MEIOB: variants seen among roughly 807,000 people sequenced by gnomAD.
MEIOB encodes meiosis specific with OB-fold, also known as meiosis-specific with OB domain-containing protein.
MEIOB carries 50 observed loss-of-function variants against 53.1 expected under a neutral mutation model. The observed-to-expected ratio is 0.94, with a 90% CI of 0.75 to 1.19. The LOEUF (loss-of-function observed/expected upper bound fraction) is 1.19. MEIOB is among the 50% of genes most tolerant of loss of function. MEIOB has a pLI of 0.00. For missense variants in MEIOB, 551 were observed against 550.8 expected (o/e 1.00, Z 0.00); for synonymous variants, 192 against 182.5 (o/e 1.05, Z -0.42).
intron 3 of MEIOB, among the ~76,000 whole-genome samples, chr16:1,863,114 T>TG (rs1277188544): frequency 6.6e-5 from 10 of 151,872 alleles, no homozygotes; most frequent in Non-Finnish European, 1.2e-4. Flanking sequence ...CTCAGCTACT[T>TG]GGGAGGCTGA....
intron 9 of MEIOB, among the ~76,000 whole-genome samples, chr16:1,845,212 T>C (rs1258646602): frequency 6.6e-6 from 1 of 152,164 alleles, no homozygotes; most frequent in African/African-American, 2.4e-5. Flanking sequence ...AATACCCTTT[T>C]AATTAAAAAA....
At chr16:1,835,437 C>T (rs1011465687) in intron 13 of MEIOB, among the ~76,000 whole-genome samples, 6 of 151,974 alleles carry the variant, frequency 3.9e-5, no homozygotes, top group African/African-American at 1.5e-4. Flanking sequence ...TTATACAGCA[C>T]TTTAACCAAC....
intron 5 of MEIOB, among the ~76,000 whole-genome samples, chr16:1,859,598 G>C (rs1899391713): frequency 6.6e-6 from 1 of 152,156 alleles, no homozygotes; most frequent in African/African-American, 2.4e-5. Flanking sequence ...TGCAGAATGA[G>C]TTCACGGTGT....
chr16:1,868,255 G>C, intron 1 of MEIOB, 71 bp from the exon 2 acceptor site: 2 of 909,048 alleles, frequency 2.2e-6, no homozygotes, highest in Non-Finnish European at 3.4e-6. Context: ...AAAATTCCAA[G>C]AGTTTAAAAT....
intron 5 of MEIOB, among the ~76,000 whole-genome samples, chr16:1,859,739 G>A (rs921469831): frequency 3.9e-5 from 6 of 152,074 alleles, no homozygotes; most frequent in African/African-American, 1.4e-4. Flanking sequence ...AGACTGCTGT[G>A]CCCACCAAGA....
rs1567282629 is a variant in MEIOB, at chr16:1,867,456, GGTTT to G, written c.69+647_69+650del. On this transcript the variant is annotated intron_variant, in intron 2 of 13. Transcript: ENST00000325962. ...GAAAATTGCTACTGCTGAACAAAAT[GGTTT>G]AATTTTTTTTTTTTTTTTTTTTTTT... Among the ~76,000 whole-genome samples the G allele has an allele frequency of 3.7e-3, 500 of 134,394 alleles. 3 individuals are homozygous for G. Among genetic ancestry groups the G allele is most frequent in the African/African-American group, 0.013 (479 of 35,686 alleles). The allele number at this position is 134,394 out of a possible 152,430, so 88.2% of individuals were successfully genotyped here. A position where few individuals can be genotyped will look rare whatever the true frequency, so the allele number is the denominator to read the frequency against.
At chr16:1,839,461 A>T in intron 11 of MEIOB, 23 bp from the exon 12 acceptor site, 1 of 1,583,048 alleles carries the variant, frequency 6.3e-7, no homozygotes, top group South Asian at 1.1e-5. Flanking sequence ...AAAGACAATG[A>T]TAAAATGTGA....
Position 1,839,135 on chromosome 16 carries a change from C to T in MEIOB, c.1218+120G>A. 5 of 1,188,596 alleles carry T rather than the reference C, an allele frequency of 4.2e-6. No homozygotes were observed. The South Asian group carries it at 7.4e-5, about 18-fold the overall frequency. The allele number at this position is 1,188,596 out of a possible 1,614,324, so 73.6% of individuals were successfully genotyped here. On this transcript the variant is annotated intron_variant, in intron 12 of 13. Coordinates refer to ENST00000325962, the MANE Select transcript of MEIOB (RefSeq NM_001163560.3). ...GTGTTTAAAGCAAGATGATTTTTTC[C>T]CAGGCTGTTTATTAGTGAATCAATT...
At chr16:1,870,765 C>T (rs1412888368) in intron 1 of MEIOB, among the ~76,000 whole-genome samples, 3 of 152,178 alleles carry the variant, frequency 2.0e-5, no homozygotes, top group Non-Finnish European at 4.4e-5. Flanking sequence ...CGTTCTTTGG[C>T]CTGGTCTGAT....
chr16:1,857,694 C>T, intron 6 of MEIOB, 41 bp downstream of exon 6: 2 of 1,494,656 alleles, frequency 1.3e-6, no homozygotes, highest in South Asian at 1.2e-5. Flanking sequence ...CTGCACCTCC[C>T]CTGCCAGATT....
chr16:1,862,378 T>A (rs1003385566), intron 3 of MEIOB, among the ~76,000 whole-genome samples: 1 of 152,184 alleles, frequency 6.6e-6, no homozygotes, highest in Admixed American at 6.5e-5. Context: ...TCCCTGGTGA[T>A]CTGTGTATTT....
At chr16:1,841,455 C>T (rs939380779) in intron 11 of MEIOB, among the ~76,000 whole-genome samples, 4 of 152,208 alleles carry the variant, frequency 2.6e-5, no homozygotes, top group Non-Finnish European at 4.4e-5. Flanking sequence ...GCTGAGACTA[C>T]AGGCGCATGC....
chr16:1,847,937 G>A (rs1008637679), intron 9 of MEIOB, among the ~76,000 whole-genome samples: 1 of 151,914 alleles, frequency 6.6e-6, no homozygotes, highest in African/African-American at 2.4e-5. Context: ...AACAATCATG[G>A]CTTTATTTTA....
At chr16:1,858,976 T>C (rs1291341869) in intron 5 of MEIOB, among the ~76,000 whole-genome samples, 1 of 152,114 alleles carries the variant, frequency 6.6e-6, no homozygotes, top group East Asian at 1.9e-4. Flanking sequence ...AGGGATATGG[T>C]GGTGAAGAAG....
intron 7 of MEIOB, 39 bp from the exon 8 acceptor site, chr16:1,853,310 A>G (rs1454108790): frequency 1.5e-6 from 2 of 1,363,896 alleles, no homozygotes; most frequent in Admixed American, 2.0e-5. Context: ...AATTGAATAC[A>G]CTAGAAAAAA....
chr16:1,871,255 T>C (rs1212354526), intron 1 of MEIOB, among the ~76,000 whole-genome samples: 1 of 151,480 alleles, frequency 6.6e-6, no homozygotes, highest in Non-Finnish European at 1.5e-5. Context: ...AGTCTTGCTC[T>C]GTCGCCCAGG....
chr16:1,860,345 T>A (rs1017507355), intron 5 of MEIOB, 58 bp downstream of exon 5: 1 of 925,468 alleles, frequency 1.1e-6, no homozygotes, highest in Non-Finnish European at 1.7e-6. Flanking sequence ...GCTAATCTGA[T>A]ACAACATTAT....
At chr16:1,838,650 G>A (rs191481879) in intron 12 of MEIOB, among the ~76,000 whole-genome samples, 219 of 151,934 alleles carry the variant, frequency 1.4e-3, no homozygotes, top group Non-Finnish European at 2.4e-3. Flanking sequence ...TTTACCCATC[G>A]TTACTTGACT....
In MEIOB at chr16:1,860,392, C is replaced by A; in HGVS notation, c.332+11G>T. ...ATTCTCGCACAATCTCTGTGCTAGA[C>A]AGATGCTTACCTAGGAGTTGCAGGG... On this transcript the variant is annotated intron_variant, in intron 5 of 13. Coordinates refer to ENST00000325962, the MANE Select transcript of MEIOB (RefSeq NM_001163560.3). 6.9e-7 allele frequency: 1 copy of A among 1,444,250 alleles called. No individual in the cohort carries two copies. The highest frequency in any genetic ancestry group is 9.5e-7 in the Non-Finnish European group (1 of 1,049,880). 89.5% of individuals were successfully genotyped at this position (1,444,250 alleles called of 1,614,324 possible).
Sources: allele counts gnomAD v4.1 joint callset (sites outside exome capture counted in the v4.1 genomes callset), GRCh38; gene constraint gnomAD v4.1.1; transcripts MANE v1.5; gene names NCBI Gene and HGNC (gene_info 2026-07-23, HGNC 2026-07-21).